Variants in ACLY observed in about 807,000 individuals in gnomAD.
The protein encoded by ACLY is ATP-citrate synthase.
A neutral mutation model predicts 133.0 loss-of-function variants in ACLY; 41 were observed. That is an observed-to-expected ratio of 0.31 (90% CI 0.24 to 0.40). The LOEUF is 0.40. ACLY is among the 10% of genes least tolerant of loss of function. The pLI is 1.00. For synonymous variants in ACLY, 495 were observed against 549.3 expected (o/e 0.90, Z 1.38); for missense variants, 1,046 against 1,453.8 (o/e 0.72, Z 4.56).
chr17:41,921,501 A>G (rs58547105), upstream of ACLY, among the ~76,000 whole-genome samples: 14,337 of 149,594 alleles, frequency 0.096, 875 homozygotes, highest in Middle Eastern at 0.17. Context: ...AAAAACAAAA[A>G]AGAAAAAAAG....
intron 20 of ACLY, 51 bp downstream of exon 20, chr17:41,883,071 C>T (rs1555627629): frequency 6.8e-7 from 1 of 1,468,824 alleles, no homozygotes; most frequent in Admixed American, 1.8e-5. Context: ...CTCAAATGCC[C>T]CCTCTTGCAA....
chr17:41,905,790 GC>G, intron 8 of ACLY, 132 bp from the exon 9 acceptor site: 1 of 1,100,368 alleles, frequency 9.1e-7, no homozygotes, highest in Non-Finnish European at 1.3e-6. Context: ...TGGATCTCCA[GC>G]CCCCAATTCC....
At chr17:41,886,055 C>T in intron 18 of ACLY, 57 bp downstream of exon 18, 1 of 1,547,102 alleles carries the variant, frequency 6.5e-7, no homozygotes, top group Non-Finnish European at 8.9e-7. Context: ...ACAGCATCGT[C>T]TCCTAGCCCA....
chr17:41,897,388 G>A (rs1263043273), intron 13 of ACLY, among the ~76,000 whole-genome samples: 2 of 152,008 alleles, frequency 1.3e-5, no homozygotes, highest in Admixed American at 6.6e-5. Context: ...CTGGGGTCCC[G>A]GTGTCTGCCC....
intron 23 of ACLY, among the ~76,000 whole-genome samples, chr17:41,873,048 C>T (rs1344154261): frequency 2.0e-5 from 3 of 152,206 alleles, no homozygotes; most frequent in African/African-American, 4.8e-5. Context: ...GAATCACATA[C>T]TCACTGGCTC....
At chr17:41,895,460 G>C (rs1373554227) in intron 14 of ACLY, among the ~76,000 whole-genome samples, 2 of 152,160 alleles carry the variant, frequency 1.3e-5, no homozygotes, top group Non-Finnish European at 2.9e-5. Context: ...CAGCAGCAGA[G>C]AGGCTCCAGA....
chr17:41,882,490 G>A lies in ACLY; in HGVS notation c.2265+632C>T, dbSNP rs112906384. Among the ~76,000 whole-genome samples the A allele has an allele frequency of 1.5e-3, 218 of 146,632 alleles. 1 individual carries two copies. Among genetic ancestry groups the A allele is most frequent in the African/African-American group, 5.2e-3 (207 of 39,762 alleles). ...TTTCCTTCAATTTCATCATCATCAC[G>A]TGAGCCACCTTCAAGGTGGTAAAGG... is the stretch of plus-strand genomic sequence containing the variant. On this transcript the variant is annotated intron_variant, in intron 20 of 28. Coordinates refer to ENST00000352035, the MANE Select transcript of ACLY (RefSeq NM_001096.3).
chr17:41,898,094 CG>C (rs1330728793), intron 12 of ACLY, among the ~76,000 whole-genome samples: 29 of 152,074 alleles, frequency 1.9e-4, no homozygotes, highest in African/African-American at 6.3e-4. Context: ...GTAAGAGTAA[CG>C]ATTTTTAAGT....
chr17:41,888,274 T>G (rs1172479507), intron 16 of ACLY, among the ~76,000 whole-genome samples: 2 of 152,216 alleles, frequency 1.3e-5, no homozygotes, highest in Non-Finnish European at 2.9e-5. Flanking sequence ...AACACCACAG[T>G]GATCCACCCA....
At chr17:41,921,817 T>C (rs2050186918), upstream of ACLY, among the ~76,000 whole-genome samples, 1 of 151,262 alleles carries the variant, frequency 6.6e-6, no homozygotes, top group East Asian at 2.0e-4. Context: ...AAAAAAAAAT[T>C]AGCTAGGCAT....
In ACLY at chr17:41,874,046, C is replaced by T. The variant is rs370576290; in HGVS notation, c.2488-81G>A. On this transcript the variant is annotated intron_variant, in intron 22 of 28. Transcript: ENST00000352035. ...CCAGGACTGCCCTGCTGTGTGTACT[C>T]TCAGAACCAAAGCACCCCAGGAATG... The T allele has an allele frequency of 1.1e-3, 1,552 of 1,356,280 alleles. 1 individual carries two copies. Among genetic ancestry groups the T allele is most frequent in the Admixed American group, 2.4e-3 (78 of 33,056 alleles). The allele number at this position is 1,356,280 out of a possible 1,614,324, so 84.0% of individuals were successfully genotyped here.
chr17:41,919,590 CA>C (rs1555635172), upstream of ACLY, among the ~76,000 whole-genome samples: 1 of 152,208 alleles, frequency 6.6e-6, no homozygotes, highest in African/African-American at 2.4e-5. Context: ...CCGCGGTAAG[CA>C]AGTGGGGCTA....
chr17:41,885,286 C>T (rs1243484787), intron 18 of ACLY, among the ~76,000 whole-genome samples: 3 of 152,124 alleles, frequency 2.0e-5, no homozygotes, highest in African/African-American at 7.2e-5. Context: ...TACCCAAGGA[C>T]TGGGGATTCC....
chr17:41,928,662 G>C (rs1353508617), intron 1 of ACLY, among the ~76,000 whole-genome samples: 2 of 151,814 alleles, frequency 1.3e-5, no homozygotes, highest in African/African-American at 4.8e-5. Flanking sequence ...GACCAGCCTG[G>C]CCAACATGGT....
At position 41,893,089 on chromosome 17, in the gene ACLY, A is replaced by G; in HGVS notation, c.1545T>C (p.Phe515=). Residue 515 remains phenylalanine, a synonymous_variant, in exon 15 of 29, where the codon TTT becomes TTC. Transcript: ENST00000352035. The stretch of plus-strand genomic sequence containing the variant: ...GCTCGTCTCGGGAGCAGACATAGTC[A>G]AAGTCCAGCATGCCTTGCACGGCCC... ...QTRAVQGMLD[F]DYVCSRDEPS... is the part of the protein sequence containing the mutation. 6.2e-7 allele frequency: 1 copy of G among 1,614,170 alleles called. No individual in the cohort carries two copies. Among genetic ancestry groups the G allele is most frequent in the Non-Finnish European group, 8.5e-7 (1 of 1,180,022 alleles).
chr17:41,918,594 A>G (rs2050119771), intron 1 of ACLY, among the ~76,000 whole-genome samples: 1 of 152,104 alleles, frequency 6.6e-6, no homozygotes, highest in Non-Finnish European at 1.5e-5. Context: ...GGACCATGCA[A>G]TGTGGCAGAG....
intron 22 of ACLY, among the ~76,000 whole-genome samples, chr17:41,877,505 C>T (rs2048796313): frequency 6.7e-6 from 1 of 149,922 alleles, no homozygotes; most frequent in Admixed American, 6.7e-5. Context: ...GGCTGGAGTG[C>T]AGTGGCACAG....
At position 41,887,720 on chromosome 17, in the gene ACLY, G is replaced by A. The variant is rs1314773133; in HGVS notation, c.1771-17C>T. 6.2e-7 allele frequency: 1 copy of A among 1,608,898 alleles called. No individual in the cohort carries two copies. Among genetic ancestry groups the A allele is most frequent in the Non-Finnish European group, 8.5e-7 (1 of 1,175,548 alleles). On this transcript the variant is annotated splice_polypyrimidine_tract_variant and intron_variant, in intron 16 of 28. Coordinates refer to ENST00000352035, the MANE Select transcript of ACLY (RefSeq NM_001096.3). ...GGTCCGGATCTAGAGGATGACAAAA[G>A]TCCCTTCCTGTTAACTCTCTGCCTC...
upstream of ACLY, chr17:41,918,989 C>A: frequency 7.8e-7 from 1 of 1,287,244 alleles, no homozygotes; most frequent in Non-Finnish European, 1.0e-6. Flanking sequence ...TTGTCCCGGC[C>A]CAGCCGGACT....
Sources: gnomAD v4.1 joint callset for allele counts (sites outside exome capture counted in the v4.1 genomes callset) on GRCh38, gnomAD v4.1.1 for gene constraint, MANE v1.5 for transcripts, NCBI Gene and HGNC (gene_info 2026-07-23, HGNC 2026-07-21) for gene names.